The following UST variants were observed in gnomAD, a reference collection of about 807,000 sequenced individuals.
UST encodes the protein uronyl 2-sulfotransferase, also known as chondroitin sulfate 2-O-sulfotransferase.
In UST, 21 loss-of-function variants were observed where a neutral mutation model predicts 45.6. That is an observed-to-expected ratio of 0.46 (90% CI 0.33 to 0.66). The LOEUF is 0.66. Among genes scored for constraint, UST ranks in the 30% least tolerant of loss-of-function variants. The pLI is 0.02. For synonymous variants in UST, 215 were observed against 200.6 expected, an observed-to-expected ratio of 1.07 and a Z score of -0.61; for missense variants, 463 against 512.4, an observed-to-expected ratio of 0.90 and a Z score of 0.93.
At chr6:148,966,255 T>TA (rs1317174074) in intron 5 of UST, among the ~76,000 whole-genome samples, 1 of 142,796 alleles carries the variant, frequency 7.0e-6, no homozygotes, top group Non-Finnish European at 1.5e-5. Context: ...TTAAATAAAA[T>TA]AAAAAACTAT....
At chr6:149,068,814 C>A (rs1002804650) in intron 7 of UST, among the ~76,000 whole-genome samples, 1 of 152,180 alleles carries the variant, frequency 6.6e-6, no homozygotes, top group African/African-American at 2.4e-5. Flanking sequence ...TCACCCTACT[C>A]TGCTATGGAG....
At chr6:148,832,134 G>A (rs1190159054) in intron 1 of UST, among the ~76,000 whole-genome samples, 5 of 152,190 alleles carry the variant, frequency 3.3e-5, no homozygotes, top group South Asian at 2.1e-4. Flanking sequence ...GGGATTGCAC[G>A]CATGCACCAC....
chr6:148,752,878 C>T (rs1776016409), intron 1 of UST, among the ~76,000 whole-genome samples: 1 of 152,058 alleles, frequency 6.6e-6, no homozygotes, highest in Admixed American at 6.6e-5. Flanking sequence ...TTAGGAGTTG[C>T]TGCTTTTTTT....
At chr6:148,854,525 G>A (rs1778165327) in intron 1 of UST, among the ~76,000 whole-genome samples, 1 of 152,140 alleles carries the variant, frequency 6.6e-6, no homozygotes, top group Non-Finnish European at 1.5e-5. Flanking sequence ...CAGAAACACA[G>A]TCCTAGTTTT....
At chr6:149,069,980 G>A (rs150064157) in intron 7 of UST, among the ~76,000 whole-genome samples, 2 of 152,322 alleles carry the variant, frequency 1.3e-5, no homozygotes, top group Non-Finnish European at 2.9e-5. Flanking sequence ...GAGCTTTGAG[G>A]CTGTGAAATA....
intron 1 of UST, among the ~76,000 whole-genome samples, chr6:148,881,467 C>G (rs186784163): frequency 9.1e-4 from 139 of 152,264 alleles, no homozygotes; most frequent in Non-Finnish European, 1.4e-3. Flanking sequence ...CCCATAGAGG[C>G]CTCTGAAAAT....
At chr6:148,754,349 T>C (rs1328221202) in intron 1 of UST, among the ~76,000 whole-genome samples, 1 of 152,186 alleles carries the variant, frequency 6.6e-6, no homozygotes, top group Non-Finnish European at 1.5e-5. Flanking sequence ...ACAGGTGGTA[T>C]TTGGTTACGT....
At position 148,848,438 on chromosome 6, in the gene UST, C is replaced by T. The variant is rs1004517099; in HGVS notation, c.248-38548C>T. ...CAGTAATCCCAGCACTTTGGGAGGC[C>T]GAGGTGGGCGGATCATGAGGTCGAG... On this transcript the variant is annotated intron_variant, in intron 1 of 7. Coordinates refer to ENST00000367463, the MANE Select transcript of UST (RefSeq NM_005715.3). Among the ~76,000 whole-genome samples, 4 of 152,074 alleles carry T rather than the reference C, an allele frequency of 2.6e-5. No homozygotes were observed. The East Asian group carries it at 5.8e-4, about 22-fold the overall frequency.
At chr6:148,987,208 C>G (rs1379618093) in intron 5 of UST, among the ~76,000 whole-genome samples, 1 of 152,230 alleles carries the variant, frequency 6.6e-6, no homozygotes, top group Non-Finnish European at 1.5e-5. Context: ...CCTGGCCACT[C>G]TCAGTTTATT....
At chr6:149,000,924 G>C (rs540802435) in intron 5 of UST, among the ~76,000 whole-genome samples, 3 of 152,278 alleles carry the variant, frequency 2.0e-5, no homozygotes, top group South Asian at 4.1e-4. Context: ...CAGATAGACA[G>C]ATAGAGCAGT....
intron 7 of UST, among the ~76,000 whole-genome samples, chr6:149,068,557 C>A (rs1776774886): frequency 6.6e-6 from 1 of 152,182 alleles, no homozygotes; most frequent in Non-Finnish European, 1.5e-5. Context: ...ACTAATCGTG[C>A]AAATATGTCC....
At chr6:148,922,525 G>A (rs1197586037) in intron 2 of UST, among the ~76,000 whole-genome samples, 2 of 137,412 alleles carry the variant, frequency 1.5e-5, no homozygotes, top group Admixed American at 7.6e-5. Flanking sequence ...GTCTCGCTCT[G>A]TCCCCCAGGC....
chr6:149,033,125 C>T (rs1776180966), intron 7 of UST, among the ~76,000 whole-genome samples: 1 of 152,176 alleles, frequency 6.6e-6, no homozygotes, highest in South Asian at 2.1e-4. Flanking sequence ...ACCTTGTGGT[C>T]AGTTTGTTCT....
intron 1 of UST, among the ~76,000 whole-genome samples, chr6:148,879,952 C>CTTTTTTTTTTTTTTTTTTTTTTT (rs766758383): frequency 8.3e-6 from 1 of 119,850 alleles, no homozygotes; most frequent in Admixed American, 8.1e-5. Flanking sequence ...TTTTTTTTTT[C>CTTTTTTTTTTTTTTTTTTTTTTT]TTTTTTTTTT....
At chr6:148,785,408 G>C (rs1351360599) in intron 1 of UST, among the ~76,000 whole-genome samples, 1 of 152,118 alleles carries the variant, frequency 6.6e-6, no homozygotes, top group Non-Finnish European at 1.5e-5. Context: ...ATACAAATGA[G>C]GACTATGATA....
At chr6:148,770,726 T>C (rs1455293465) in intron 1 of UST, among the ~76,000 whole-genome samples, 1 of 152,086 alleles carries the variant, frequency 6.6e-6, no homozygotes, top group Admixed American at 6.5e-5. Flanking sequence ...CTCTCCTGAG[T>C]GGTGGGTGTT....
At chr6:149,006,466 T>C (rs909970149) in intron 5 of UST, among the ~76,000 whole-genome samples, 1 of 152,238 alleles carries the variant, frequency 6.6e-6, no homozygotes, top group African/African-American at 2.4e-5. Context: ...ATGGTATATA[T>C]GTACCATATT....
chr6:148,806,085 T>C (rs532131204), intron 1 of UST, among the ~76,000 whole-genome samples: 6 of 152,074 alleles, frequency 3.9e-5, no homozygotes, highest in African/African-American at 1.4e-4. Flanking sequence ...GGACGCTTTT[T>C]TTTTTCTTTT....
At chr6:148,955,359 A>T (rs1780470504) in intron 4 of UST, among the ~76,000 whole-genome samples, 1 of 152,244 alleles carries the variant, frequency 6.6e-6, no homozygotes, top group Admixed American at 6.5e-5. Flanking sequence ...AAGTGCAAAG[A>T]ATGAGATTCA....
Sources: gnomAD v4.1 joint callset for allele counts (sites outside exome capture counted in the v4.1 genomes callset) on GRCh38, gnomAD v4.1.1 for gene constraint, MANE v1.5 for transcripts, NCBI Gene and HGNC (gene_info 2026-07-23, HGNC 2026-07-21) for gene names.